Variants in NREP observed in about 807,000 individuals in gnomAD.
NREP encodes the protein neuronal regeneration-related protein.
Under a neutral mutation model 8.6 loss-of-function variants are expected in NREP, and 5 were observed. The observed-to-expected ratio is 0.58, with a 90% CI of 0.30 to 1.22. The LOEUF is 1.22. NREP is among the 50% of genes most tolerant of loss of function. NREP has a pLI of 0.07. For missense variants in NREP, 86 were observed against 82.5 expected (o/e 1.04, Z -0.17); for synonymous variants, 27 against 28.0 (o/e 0.96, Z 0.11).
intron 2 of NREP, among the ~76,000 whole-genome samples, chr5:111,784,301 T>C (rs1267179151): frequency 2.0e-5 from 3 of 152,170 alleles, no homozygotes; most frequent in Admixed American, 6.5e-5. Flanking sequence ...TGGGTATGCC[T>C]GTGTAGATGC....
rs115334457 is a variant in NREP, at chr5:111,748,316, C to A, written c.3+7454G>T. 6.0e-3 allele frequency among the ~76,000 whole-genome samples: 916 copies of A among 152,240 alleles called. 17 individuals carry two copies. The highest frequency in any genetic ancestry group is 0.021 in the African/African-American group (875 of 41,528). ...AGCCTCTTTTCAGTAGTAAATTGTT[C>A]ATCAGTGCCTGTTCATTTCATTTCC... On this transcript the variant is annotated intron_variant, in intron 2 of 3. Coordinates refer to ENST00000257435, the MANE Select transcript of NREP (RefSeq NM_004772.4).
At chr5:111,882,451 G>A (rs536438035) in intron 2 of NREP, among the ~76,000 whole-genome samples, 4 of 152,214 alleles carry the variant, frequency 2.6e-5, no homozygotes, top group East Asian at 1.9e-4. Flanking sequence ...CAAGGCAGGC[G>A]ACCATTTGGA....
At chr5:111,907,746 C>CT (rs941361660) in intron 2 of NREP, among the ~76,000 whole-genome samples, 2 of 151,932 alleles carry the variant, frequency 1.3e-5, no homozygotes, top group African/African-American at 4.8e-5. Flanking sequence ...CTTTATCTAC[C>CT]TTTTTTTCAC....
At chr5:111,834,893 C>G (rs924164116) in intron 2 of NREP, among the ~76,000 whole-genome samples, 1 of 152,144 alleles carries the variant, frequency 6.6e-6, no homozygotes, top group African/African-American at 2.4e-5. Flanking sequence ...TTTGCTTTAG[C>G]AGGAGGTTCA....
chr5:111,883,939 C>T (rs1293521823), intron 2 of NREP, among the ~76,000 whole-genome samples: 1 of 151,984 alleles, frequency 6.6e-6, no homozygotes, highest in Non-Finnish European at 1.5e-5. Flanking sequence ...CAAACACATT[C>T]AAAAGCTAGC....
chr5:111,907,294 T>G (rs1386152867), intron 2 of NREP, among the ~76,000 whole-genome samples: 1 of 152,152 alleles, frequency 6.6e-6, no homozygotes. Flanking sequence ...TCTCCTGTTA[T>G]ACTCTGGTAC....
intron 2 of NREP, among the ~76,000 whole-genome samples, chr5:111,809,096 T>A (rs1256005986): frequency 6.6e-6 from 1 of 152,196 alleles, no homozygotes; most frequent in Non-Finnish European, 1.5e-5. Flanking sequence ...AATGACTACA[T>A]AATAAAACTT....
chr5:111,831,530 C>T (rs868292359), intron 2 of NREP, among the ~76,000 whole-genome samples: 2 of 152,274 alleles, frequency 1.3e-5, no homozygotes, highest in Middle Eastern at 3.4e-3. Flanking sequence ...TGTATCAGGG[C>T]ATGTTGGAAC....
intron 2 of NREP, among the ~76,000 whole-genome samples, chr5:111,921,364 T>C (rs1755234303): frequency 6.6e-6 from 1 of 152,170 alleles, no homozygotes; most frequent in South Asian, 2.1e-4. Context: ...AATTCAGCCA[T>C]TTAGACCAAG....
chr5:111,926,935 T>C (rs977626287), intron 2 of NREP, among the ~76,000 whole-genome samples: 4 of 151,438 alleles, frequency 2.6e-5, no homozygotes, highest in Admixed American at 2.6e-4. Flanking sequence ...CAGGCAGGAA[T>C]AGTCACGTTC....
intron 2 of NREP, among the ~76,000 whole-genome samples, chr5:111,815,657 C>T (rs77143650): frequency 0.044 from 6,730 of 151,512 alleles, 363 homozygotes; most frequent in East Asian, 0.24. Context: ...TCGGCAAAAC[C>T]GAAGGTATGA....
chr5:111,754,657 A>C (rs1277933625), intron 2 of NREP, among the ~76,000 whole-genome samples: 3 of 152,164 alleles, frequency 2.0e-5, no homozygotes, highest in Admixed American at 2.0e-4. Context: ...TTTCTACCTC[A>C]AGTTCCTTAA....
intron 2 of NREP, among the ~76,000 whole-genome samples, chr5:111,955,507 A>C (rs1364528920): frequency 7.2e-6 from 1 of 139,698 alleles, no homozygotes; most frequent in Non-Finnish European, 1.6e-5. Context: ...AAAAAAAAAA[A>C]ACACATTCGG....
intron 2 of NREP, among the ~76,000 whole-genome samples, chr5:111,906,664 T>C (rs1487945315): frequency 1.3e-5 from 2 of 152,106 alleles, no homozygotes; most frequent in South Asian, 2.1e-4. Flanking sequence ...CGGGTGCCTT[T>C]AGCATATATA....
chr5:111,886,111 CA>C (rs1237249355), intron 2 of NREP, among the ~76,000 whole-genome samples: 3 of 152,060 alleles, frequency 2.0e-5, no homozygotes, highest in African/African-American at 7.2e-5. Flanking sequence ...ACAATGAACT[CA>C]AACAAATTTA....
chr5:111,873,693 C>A (rs1473412056), intron 2 of NREP, among the ~76,000 whole-genome samples: 3 of 152,154 alleles, frequency 2.0e-5, no homozygotes, highest in Admixed American at 6.6e-5. Context: ...AATGGGCCTA[C>A]CCAAATAATC....
intron 2 of NREP, among the ~76,000 whole-genome samples, chr5:111,793,105 A>T (rs1276882202): frequency 6.6e-6 from 1 of 152,192 alleles, no homozygotes; most frequent in Non-Finnish European, 1.5e-5. Flanking sequence ...AGGTGCTGTA[A>T]ATTCAAATGA....
intron 2 of NREP, among the ~76,000 whole-genome samples, chr5:111,968,714 C>A (rs749214787): frequency 6.6e-6 from 1 of 152,194 alleles, no homozygotes; most frequent in Non-Finnish European, 1.5e-5. Context: ...TGCCCTAGCC[C>A]CACTACTTCT....
intron 2 of NREP, among the ~76,000 whole-genome samples, chr5:111,964,038 T>C (rs897324627): frequency 2.0e-5 from 3 of 152,196 alleles, no homozygotes; most frequent in African/African-American, 7.2e-5. Flanking sequence ...AATGAGAATA[T>C]TGTTAGTCCC....
Sources: allele counts gnomAD v4.1 joint callset (sites outside exome capture counted in the v4.1 genomes callset), GRCh38; gene constraint gnomAD v4.1.1; transcripts MANE v1.5; gene names NCBI Gene and HGNC (gene_info 2026-07-23, HGNC 2026-07-21).